The following XKR9 variants were observed in gnomAD, a reference collection of about 807,000 sequenced individuals.
XKR9 encodes XK related 9.
A neutral mutation model predicts 32.0 loss-of-function variants in XKR9; 32 were observed. That is an observed-to-expected ratio of 1.00 (90% confidence interval 0.76 to 1.34). The LOEUF (loss-of-function observed/expected upper bound fraction) is 1.34. Among genes scored for constraint, XKR9 ranks in the 40% most tolerant of loss-of-function variants. XKR9 has a pLI of 0.00. For missense variants in XKR9, 546 were observed against 429.7 expected, an observed-to-expected ratio of 1.27 and a Z score of -2.39; for synonymous variants, 168 against 143.4, an observed-to-expected ratio of 1.17 and a Z score of -1.22.
At chr8:70,933,195 T>G in the XKR9 span, among the ~76,000 whole-genome samples, 1 of 152,098 alleles carries the variant, frequency 6.6e-6, no homozygotes, top group African/African-American at 2.4e-5. Context: ...TGGTGTGAAT[T>G]CCAAGTTCTG....
Position 70,735,257 on chromosome 8 carries a change from C to T in XKR9, c.*833C>T, listed in dbSNP as rs1451596077. ...CTATTTATTGAACAAATCCCCATTT[C>T]CTCCTTCCCCAAGTCTCTCTCAACT... On this transcript the variant is annotated 3_prime_UTR_variant, in exon 5 of 5. Transcript: ENST00000408926. 1 of 151,734 alleles carries T rather than the reference C, an allele frequency of 6.6e-6. No homozygotes were observed. The highest frequency in any genetic ancestry group is 6.6e-5 in the Admixed American group (1 of 15,230). 9.4% of individuals were successfully genotyped at this position (151,734 alleles called of 1,614,324 possible).
chr8:70,960,642 CT>C, the XKR9 span, among the ~76,000 whole-genome samples: 3 of 152,058 alleles, frequency 2.0e-5, no homozygotes, highest in Non-Finnish European at 4.4e-5. Flanking sequence ...CCTTCGGAGA[CT>C]GAGGCGGGAG....
At chr8:70,824,805 T>C in the XKR9 span, among the ~76,000 whole-genome samples, 1 of 151,936 alleles carries the variant, frequency 6.6e-6, no homozygotes, top group African/African-American at 2.4e-5. Flanking sequence ...TTTTTTTGAA[T>C]TGTGGTGTAT....
At chr8:70,754,756 A>G (rs921479672) in intron 2 of XKR9, among the ~76,000 whole-genome samples, 5 of 151,498 alleles carry the variant, frequency 3.3e-5, no homozygotes, top group East Asian at 3.9e-4. Context: ...TTATACAAAA[A>G]TTAATTCAAG....
rs1344608864 is a variant in XKR9, at chr8:70,735,002, C to T, written c.*578C>T. On this transcript the variant is annotated 3_prime_UTR_variant, in exon 5 of 5. Transcript: ENST00000408926. ...ATTTCATTATTTACTTATTTCCTAGCTTTTCTGAATTAATGCACTCTTAAC... is the reference window on the plus strand; with the variant it reads ...ATTTCATTATTTACTTATTTCCTAGTTTTTCTGAATTAATGCACTCTTAAC... 3 of 152,202 alleles carry T rather than the reference C, an allele frequency of 2.0e-5. No homozygotes were observed. The highest frequency in any genetic ancestry group is 4.4e-5 in the Non-Finnish European group (3 of 68,028). 9.4% of individuals were successfully genotyped at this position (152,202 alleles called of 1,614,324 possible).
the XKR9 span, among the ~76,000 whole-genome samples, chr8:70,918,034 G>T: frequency 6.6e-6 from 1 of 152,160 alleles, no homozygotes; most frequent in Admixed American, 6.5e-5. Context: ...CTTAAATATG[G>T]GTAGGATCAG....
At chr8:70,776,558 G>C (rs1807523012) in intron 2 of XKR9, among the ~76,000 whole-genome samples, 1 of 152,032 alleles carries the variant, frequency 6.6e-6, no homozygotes, top group South Asian at 2.1e-4. Flanking sequence ...TCTGAATGCT[G>C]TCTGGAGTTA....
chr8:70,761,974 T>C, intron 2 of XKR9, among the ~76,000 whole-genome samples: 1 of 152,116 alleles, frequency 6.6e-6, no homozygotes. Flanking sequence ...CCTTTGCTTG[T>C]TTTTGTCAGG....
the XKR9 span, among the ~76,000 whole-genome samples, chr8:71,052,258 G>A: frequency 6.6e-6 from 1 of 152,346 alleles, no homozygotes. Context: ...AGCAGTTAGA[G>A]TGAGCCTGCT....
intron 2 of XKR9, among the ~76,000 whole-genome samples, chr8:70,757,591 G>T (rs1807246159): frequency 6.6e-6 from 1 of 150,626 alleles, no homozygotes; most frequent in South Asian, 2.1e-4. Flanking sequence ...ATGTATGCAT[G>T]TATTTATTTA....
the XKR9 span, among the ~76,000 whole-genome samples, chr8:70,906,607 G>A: frequency 6.6e-6 from 1 of 152,170 alleles, no homozygotes; most frequent in Non-Finnish European, 1.5e-5. Context: ...AATGCCATTT[G>A]CTCAAAGGTA....
the XKR9 span, among the ~76,000 whole-genome samples, chr8:70,912,664 C>T: frequency 5.3e-5 from 8 of 152,030 alleles, no homozygotes; most frequent in Non-Finnish European, 7.4e-5. Flanking sequence ...GGAGCTCAGA[C>T]CGCAGAAATT....
chr8:70,943,691 C>T, the XKR9 span, among the ~76,000 whole-genome samples: 3 of 151,944 alleles, frequency 2.0e-5, no homozygotes, highest in Non-Finnish European at 4.4e-5. Flanking sequence ...CTAAGTAAAG[C>T]TTCATTGTTA....
At chr8:70,852,749 C>T in the XKR9 span, among the ~76,000 whole-genome samples, 1 of 152,032 alleles carries the variant, frequency 6.6e-6, no homozygotes, top group Non-Finnish European at 1.5e-5. Flanking sequence ...AACACAGGAA[C>T]AGAAAACTAA....
At chr8:71,047,900 G>A in the XKR9 span, among the ~76,000 whole-genome samples, 3 of 152,292 alleles carry the variant, frequency 2.0e-5, no homozygotes, top group East Asian at 3.9e-4. Context: ...CAGTAACTTG[G>A]AGTTACTAAA....
At chr8:70,864,718 C>G in the XKR9 span, among the ~76,000 whole-genome samples, 1 of 152,094 alleles carries the variant, frequency 6.6e-6, no homozygotes, top group Non-Finnish European at 1.5e-5. Flanking sequence ...CATATCATTT[C>G]TCTGCTTGGG....
chr8:70,744,923 A>G (rs1807037131), intron 2 of XKR9, among the ~76,000 whole-genome samples: 1 of 150,124 alleles, frequency 6.7e-6, no homozygotes, highest in Admixed American at 6.6e-5. Flanking sequence ...TTATTTGCCT[A>G]TGATATAGTT....
the XKR9 span, among the ~76,000 whole-genome samples, chr8:70,897,923 C>T: frequency 1.1e-3 from 171 of 152,250 alleles, no homozygotes; most frequent in African/African-American, 4.0e-3. Context: ...TGGGATATTA[C>T]TCAAGAAATG....
chr8:70,769,912 A>G (rs1807431018), intron 2 of XKR9, among the ~76,000 whole-genome samples: 2 of 151,824 alleles, frequency 1.3e-5, no homozygotes, highest in Non-Finnish European at 2.9e-5. Flanking sequence ...AGAGTTTGGT[A>G]TTACCCACCT....
Sources: allele counts gnomAD v4.1 joint callset (sites outside exome capture counted in the v4.1 genomes callset), GRCh38; gene constraint gnomAD v4.1.1; transcripts MANE v1.5; gene names NCBI Gene and HGNC (gene_info 2026-07-23, HGNC 2026-07-21).